Variants in A4GALT observed in about 807,000 individuals in gnomAD.
The protein encoded by A4GALT is alpha 1,4-galactosyltransferase (P1PK blood group), also known as lactosylceramide 4-alpha-galactosyltransferase.
For missense variants in A4GALT, 512 were observed against 486.0 expected, an observed-to-expected ratio of 1.05 and a Z score of -0.50; for synonymous variants, 257 against 220.7, an observed-to-expected ratio of 1.16 and a Z score of -1.46.
chr22:42,703,704 C>G (rs554678102), intron 1 of A4GALT, among the ~76,000 whole-genome samples: 2 of 152,030 alleles, frequency 1.3e-5, no homozygotes, highest in Non-Finnish European at 2.9e-5. Context: ...CTGCACAGTG[C>G]GGGGAAGGGA....
intron 1 of A4GALT, among the ~76,000 whole-genome samples, chr22:42,703,075 G>GTC (rs1338922227): frequency 1.3e-5 from 2 of 149,378 alleles, no homozygotes; most frequent in Non-Finnish European, 3.0e-5. Context: ...GTGTGTGTGT[G>GTC]TGTGTGTGTG....
chr22:42,713,872 G>A (rs961247721), intron 1 of A4GALT, among the ~76,000 whole-genome samples: 6 of 147,908 alleles, frequency 4.1e-5, no homozygotes, highest in Non-Finnish European at 7.5e-5. Flanking sequence ...CTGACTGGGC[G>A]AGGTGGCTCA....
At chr22:42,720,390 G>A (rs1184263242) in intron 1 of A4GALT, among the ~76,000 whole-genome samples, 1 of 152,148 alleles carries the variant, frequency 6.6e-6, no homozygotes, top group Non-Finnish European at 1.5e-5. Context: ...CCGACGCCCA[G>A]GCTTCCCCCG....
Position 42,719,753 on chromosome 22 carries a change from G to A in A4GALT, c.-188+1044C>T, listed in dbSNP as rs559421941. ...ACAAAGGGGAAGTCTTTGGGCAGCT[G>A]GTGGCGGGAACGGGAAGGCCAGACC... On this transcript the variant is annotated intron_variant, in intron 1 of 2. Coordinates refer to ENST00000642412, the MANE Select transcript of A4GALT (RefSeq NM_017436.7). Among the ~76,000 whole-genome samples, 4 of 152,292 alleles carry A rather than the reference G, an allele frequency of 2.6e-5. No homozygotes were observed. In the South Asian group the frequency reaches 8.3e-4, roughly 32 times the overall value.
chr22:42,713,849 C>T (rs1271044484), intron 1 of A4GALT, among the ~76,000 whole-genome samples: 2 of 144,924 alleles, frequency 1.4e-5, no homozygotes, highest in African/African-American at 5.1e-5. Flanking sequence ...GACAGACAGA[C>T]AGACATCAGG....
rs142515277 is a variant in A4GALT, at chr22:42,706,043, A to C, written c.-187-10412T>G. Reference sequence around the variant, plus strand: ...CACTCCAGCCTGGGTGACACAGACTACATCTCAAAAAAAAAAAAAAAAAAA... The same window carrying C: ...CACTCCAGCCTGGGTGACACAGACTCCATCTCAAAAAAAAAAAAAAAAAAA... On this transcript the variant is annotated intron_variant, in intron 1 of 2. Transcript: ENST00000642412. Among the ~76,000 whole-genome samples, 387 of 64,916 alleles carry C rather than the reference A, an allele frequency of 6.0e-3. 22 individuals carry two copies. Among genetic ancestry groups the C allele is most frequent in the African/African-American group, 0.018 (349 of 19,408 alleles). The allele number at this position is 64,916 out of a possible 152,430, so 42.6% of individuals were successfully genotyped here.
intron 1 of A4GALT, among the ~76,000 whole-genome samples, chr22:42,706,931 A>G (rs6002920): frequency 0.13 from 19,939 of 152,212 alleles, 1,600 homozygotes; most frequent in African/African-American, 0.23. Context: ...AGGGCAATTT[A>G]TTATGCTAAC....
chr22:42,701,299 C>T (rs999408814), intron 1 of A4GALT, among the ~76,000 whole-genome samples: 1 of 152,202 alleles, frequency 6.6e-6, no homozygotes, highest in Non-Finnish European at 1.5e-5. Flanking sequence ...GGGGTAACAC[C>T]AGCACCCAGG....
In A4GALT at chr22:42,693,046, C is replaced by T. The variant is rs1416492437; in HGVS notation, c.906G>A (p.Glu302=). Residue 302 remains glutamate (E), a synonymous_variant, in exon 3 of 3, where the codon GAG becomes GAA. Coordinates refer to ENST00000642412, the MANE Select transcript of A4GALT (RefSeq NM_017436.7). The part of the protein sequence containing the change: ...WKKYFEDINP[E]ELPRLLSATY... ...TGGCACTGAGCAGCCGCGGCAGCTC[C>T]TCGGGGTTGATGTCCTCAAAGTACT... 6.2e-7 allele frequency: 1 copy of T among 1,612,496 alleles called. No individual in the cohort carries two copies. The highest frequency in any genetic ancestry group is 8.5e-7 in the Non-Finnish European group (1 of 1,179,050).
intron 1 of A4GALT, among the ~76,000 whole-genome samples, chr22:42,703,444 C>G (rs1038863950): frequency 6.6e-6 from 1 of 151,760 alleles, no homozygotes; most frequent in African/African-American, 2.4e-5. Flanking sequence ...TTAGTAGAGA[C>G]GGGGTTTCAC....
At chr22:42,706,141 G>C (rs1183890030) in intron 1 of A4GALT, among the ~76,000 whole-genome samples, 1 of 83,010 alleles carries the variant, frequency 1.2e-5, no homozygotes, top group Non-Finnish European at 3.2e-5. Flanking sequence ...GGATCACGAG[G>C]TCAGGAGATC....
intron 1 of A4GALT, among the ~76,000 whole-genome samples, chr22:42,720,531 G>A (rs1922630354): frequency 6.6e-6 from 1 of 152,240 alleles, no homozygotes; most frequent in Middle Eastern, 3.4e-3. Flanking sequence ...GGAGCCAGGC[G>A]CGTCCTGCCC....
rs112782731 is a variant in A4GALT, at chr22:42,709,069, T to A, written c.-188+11728A>T. Among the ~76,000 whole-genome samples the A allele has an allele frequency of 6.2e-3, 285 of 46,048 alleles. 2 individuals are homozygous for A. The highest frequency in any genetic ancestry group is 0.023 in the East Asian group (5 of 214). The allele number at this position is 46,048 out of a possible 152,430, so 30.2% of individuals were successfully genotyped here. A position where few individuals can be genotyped will look rare whatever the true frequency, so the allele number is the denominator to read the frequency against. On this transcript the variant is annotated intron_variant, in intron 1 of 2. Coordinates refer to ENST00000642412, the MANE Select transcript of A4GALT (RefSeq NM_017436.7). ...TTTAAATATATATATATATATATATTTTTTTTAAGACAGGGTCTGCTGTCA... is the reference window on the plus strand; with the variant it reads ...TTTAAATATATATATATATATATATATTTTTTAAGACAGGGTCTGCTGTCA...
At chr22:42,719,999 A>C (rs1031158685) in intron 1 of A4GALT, among the ~76,000 whole-genome samples, 2 of 152,182 alleles carry the variant, frequency 1.3e-5, no homozygotes, top group South Asian at 4.1e-4. Flanking sequence ...CCTCCGGATG[A>C]CAGGTGATGA....
chr22:42,711,780 C>G (rs1276362785), intron 1 of A4GALT, among the ~76,000 whole-genome samples: 1 of 152,078 alleles, frequency 6.6e-6, no homozygotes, highest in Admixed American at 6.5e-5. Context: ...ACTACAGATG[C>G]GTGCCACCAC....
Position 42,693,079 on chromosome 22 carries a change from G to C in A4GALT, c.873C>G (p.Asp291Glu). ...PEAFYPIPWQ[D>E]WKKYFEDINP... ...TGATGTCCTCAAAGTACTTCTTCCAGTCCTGCCAGGGGATGGGGTAGAAGG... is the reference window on the plus strand; with the variant it reads ...TGATGTCCTCAAAGTACTTCTTCCACTCCTGCCAGGGGATGGGGTAGAAGG... Residue 291 changes from aspartate to glutamate, a missense_variant, in exon 3 of 3, where the codon GAC becomes GAG. Physicochemically the swap from Asp to Glu is conservative, Grantham distance 45 (BLOSUM62 2). Coordinates refer to ENST00000642412, the MANE Select transcript of A4GALT (RefSeq NM_017436.7). 1.9e-6 allele frequency: 3 copies of C among 1,612,370 alleles called. No individual in the cohort carries two copies. The highest frequency in any genetic ancestry group is 2.5e-6 in the Non-Finnish European group (3 of 1,178,978).
At chr22:42,703,254 T>TTTTTG (rs1381363276) in intron 1 of A4GALT, among the ~76,000 whole-genome samples, 1 of 107,558 alleles carries the variant, frequency 9.3e-6, no homozygotes, top group African/African-American at 4.4e-5. Context: ...TGTTTGTTTG[T>TTTTTG]TTTTGTTTTT....
chr22:42,720,206 C>G (rs544686552), intron 1 of A4GALT, among the ~76,000 whole-genome samples: 1 of 122,442 alleles, frequency 8.2e-6, no homozygotes, highest in South Asian at 2.4e-4. Flanking sequence ...GCCCCGTGCC[C>G]AGCTCGTACC....
chr22:42,693,750 T>TGGTGGGGGGGGGGGGTGGGGGGGGGG lies in A4GALT; in HGVS notation c.201_202insCCCCCCCCCCACCCCCCCCCCCCACC (p.Thr68ProfsTer55). ...GGAGTGGGGCCGTGGGAGGGTGGGGTGGGGGGTGTCAAGGTGGGGCAGGGG... is the reference window on the plus strand; with the variant it reads ...GGAGTGGGGCCGTGGGAGGGTGGGGTGGTGGGGGGGGGGGGTGGGGGGGGGGGGGGGGTGTCAAGGTGGGGCAGGGG... On this transcript the variant is annotated frameshift_variant, in exon 3 of 3. Coordinates refer to ENST00000642412, the MANE Select transcript of A4GALT (RefSeq NM_017436.7). LOFTEE classifies it low-confidence loss of function (END_TRUNC). 2.6e-6 allele frequency: 1 copy of TGGTGGGGGGGGGGGGTGGGGGGGGGG among 391,456 alleles called. No individual in the cohort carries two copies. The highest frequency in any genetic ancestry group is 4.3e-6 in the Non-Finnish European group (1 of 232,110). The allele number at this position is 391,456 out of a possible 1,614,324, so 24.2% of individuals were successfully genotyped here. A position where few individuals can be genotyped will look rare whatever the true frequency, so the allele number is the denominator to read the frequency against.
Sources: allele counts gnomAD v4.1 joint callset (sites outside exome capture counted in the v4.1 genomes callset), GRCh38; gene constraint gnomAD v4.1.1; transcripts MANE v1.5; gene names NCBI Gene and HGNC (gene_info 2026-07-23, HGNC 2026-07-21).